TNFSF13B: variants seen among roughly 807,000 people sequenced by gnomAD.
TNFSF13B encodes tumor necrosis factor ligand superfamily member 13B.
In TNFSF13B, 8 loss-of-function variants were observed where a neutral mutation model predicts 29.1. The ratio of observed to expected loss-of-function variants is 0.27; its 90% CI spans 0.16 to 0.50. TNFSF13B has a LOEUF of 0.50. TNFSF13B is among the 20% of genes least tolerant of loss of function. TNFSF13B has a pLI of 0.98. For synonymous variants in TNFSF13B, 125 were observed against 130.8 expected, an observed-to-expected ratio of 0.96 and a Z score of 0.30; for missense variants, 248 against 334.9, an observed-to-expected ratio of 0.74 and a Z score of 2.03.
At chr13:108,306,788 A>T in intron 5 of TNFSF13B, 38 bp from the exon 6 acceptor site, 1 of 1,199,192 alleles carries the variant, frequency 8.3e-7, no homozygotes, top group Non-Finnish European at 1.2e-6. Flanking sequence ...TTTCTGTTGT[A>T]TAACCACTTA....
At chr13:108,291,019 ATTAACT>A (rs1359972313) in intron 3 of TNFSF13B, among the ~76,000 whole-genome samples, 1 of 151,850 alleles carries the variant, frequency 6.6e-6, no homozygotes, top group Non-Finnish European at 1.5e-5. Flanking sequence ...GCTTGAAGAC[ATTAACT>A]TTAACTTTTA....
At chr13:108,274,417 G>C (rs1187489965) in intron 2 of TNFSF13B, among the ~76,000 whole-genome samples, 2 of 149,386 alleles carry the variant, frequency 1.3e-5, no homozygotes, top group African/African-American at 2.4e-5. Context: ...TATGTGTTAT[G>C]TGTATATATT....
intron 2 of TNFSF13B, among the ~76,000 whole-genome samples, chr13:108,281,443 G>A (rs1376193932): frequency 6.6e-6 from 1 of 152,044 alleles, no homozygotes; most frequent in Non-Finnish European, 1.5e-5. Flanking sequence ...TATTGGTCAC[G>A]ACTTCAATTT....
chr13:108,306,729 A>T, intron 5 of TNFSF13B, 97 bp from the exon 6 acceptor site: 1 of 639,072 alleles, frequency 1.6e-6, no homozygotes, highest in Admixed American at 3.9e-5. Context: ...TGCCTATGTT[A>T]ACATTTTTTT....
intron 2 of TNFSF13B, among the ~76,000 whole-genome samples, chr13:108,280,736 A>G (rs746013181): frequency 1.3e-5 from 2 of 151,018 alleles, no homozygotes; most frequent in African/African-American, 4.9e-5. Context: ...TTTTACTCTT[A>G]GTGCCTATGA....
intron 2 of TNFSF13B, 137 bp from the exon 3 acceptor site, chr13:108,286,666 A>G: frequency 2.3e-6 from 1 of 435,836 alleles, no homozygotes; most frequent in South Asian, 3.0e-5. Context: ...AAGTAACTTT[A>G]AGAATAATGT....
chr13:108,270,410 G>A lies in TNFSF13B; in HGVS notation c.410G>A (p.Gly137Asp), dbSNP rs1190003131. The change falls in exon 2 of 6, where the codon GGT becomes GAT. Residue 137 changes from glycine to aspartate, a missense_variant. Physicochemically the swap from Gly to Asp is moderately conservative, Grantham distance 94. Around this residue, in one of 2 missense-constraint regions of TNFSF13B, gnomAD observed 186 missense variants for 196.3 expected, o/e 0.95. Coordinates refer to ENST00000375887, the MANE Select transcript of TNFSF13B (RefSeq NM_006573.5). ...AGCAGAAATAAGCGTGCCGTTCAGG[G>A]TCCAGAAGAAACAGGTATGTTTTGG... ...QNSRNKRAVQ[G>D]PEETVTQDCL... is the part of the protein sequence containing the mutation. 6.2e-7 allele frequency: 1 copy of A among 1,613,908 alleles called. No individual in the cohort carries two copies. The highest frequency in any genetic ancestry group is 8.5e-7 in the Non-Finnish European group (1 of 1,179,916).
At chr13:108,276,142 T>C (rs184289392) in intron 2 of TNFSF13B, among the ~76,000 whole-genome samples, 13 of 152,306 alleles carry the variant, frequency 8.5e-5, no homozygotes, top group Admixed American at 7.8e-4. Context: ...GGCTGTAACA[T>C]GAGTGTTGGA....
At chr13:108,286,463 A>G (rs1881136701) in intron 2 of TNFSF13B, among the ~76,000 whole-genome samples, 1 of 152,100 alleles carries the variant, frequency 6.6e-6, no homozygotes, top group Non-Finnish European at 1.5e-5. Context: ...TGTTCTTATA[A>G]GGTTAACTGT....
At chr13:108,279,269 A>C (rs1186098379) in intron 2 of TNFSF13B, among the ~76,000 whole-genome samples, 1 of 152,204 alleles carries the variant, frequency 6.6e-6, no homozygotes, top group African/African-American at 2.4e-5. Context: ...ATATCAAGTG[A>C]TTCACAATCT....
intron 3 of TNFSF13B, among the ~76,000 whole-genome samples, chr13:108,300,964 T>C (rs775542643): frequency 1.1e-4 from 17 of 152,222 alleles, no homozygotes; most frequent in Non-Finnish European, 2.1e-4. Context: ...AAGATCTGAC[T>C]AGGGAAATGT....
intron 2 of TNFSF13B, among the ~76,000 whole-genome samples, chr13:108,275,740 C>G (rs1425998621): frequency 6.6e-6 from 1 of 152,070 alleles, no homozygotes; most frequent in Non-Finnish European, 1.5e-5. Context: ...TTCCCTAATA[C>G]TAACATCTTA....
chr13:108,293,964 C>T (rs1373777131), intron 3 of TNFSF13B, among the ~76,000 whole-genome samples: 3 of 152,178 alleles, frequency 2.0e-5, no homozygotes, highest in Non-Finnish European at 2.9e-5. Context: ...AATACCATCA[C>T]ATTGGAAGTT....
chr13:108,289,604 TAATA>T (rs1247383411), intron 3 of TNFSF13B, among the ~76,000 whole-genome samples: 1 of 147,862 alleles, frequency 6.8e-6, no homozygotes, highest in Non-Finnish European at 1.5e-5. Context: ...TTATATATAA[TAATA>T]TATTATTATC....
intron 2 of TNFSF13B, among the ~76,000 whole-genome samples, chr13:108,280,907 C>T (rs181818451): frequency 1.6e-4 from 25 of 152,014 alleles, no homozygotes; most frequent in African/African-American, 1.2e-4. Context: ...CATTTGAGGC[C>T]GGGCGTGGTA....
intron 3 of TNFSF13B, among the ~76,000 whole-genome samples, chr13:108,298,048 A>G (rs1156520985): frequency 6.9e-6 from 1 of 145,670 alleles, no homozygotes; most frequent in African/African-American, 2.6e-5. Context: ...CCAGAGTGCC[A>G]TGTTGTTGGA....
chr13:108,303,103 G>A (rs1881672705), intron 3 of TNFSF13B, 150 bp from the exon 4 acceptor site: 3 of 656,156 alleles, frequency 4.6e-6, no homozygotes, highest in Non-Finnish European at 7.5e-6. Flanking sequence ...AATGTGACTT[G>A]TATTCCTTTT....
intron 5 of TNFSF13B, among the ~76,000 whole-genome samples, chr13:108,305,053 G>A (rs1486403011): frequency 1.3e-5 from 2 of 152,038 alleles, no homozygotes; most frequent in Non-Finnish European, 1.5e-5. Flanking sequence ...CTTACTTGCT[G>A]TTAGAGGACT....
chr13:108,304,346 A>G (rs1881711734), intron 5 of TNFSF13B, among the ~76,000 whole-genome samples: 3 of 152,182 alleles, frequency 2.0e-5, no homozygotes, highest in African/African-American at 7.2e-5. Context: ...CTAAATAGCC[A>G]CAAGTATTGA....
Sources: gnomAD v4.1 joint callset for allele counts (sites outside exome capture counted in the v4.1 genomes callset) on GRCh38, gnomAD v4.1.1 for gene constraint, gnomAD v4.1.1 regional missense constraint, MANE v1.5 for transcripts, NCBI Gene and HGNC (gene_info 2026-07-23, HGNC 2026-07-21) for gene names.